SMYD3: variants seen among roughly 807,000 people sequenced by gnomAD.
SMYD3 encodes histone-lysine N-methyltransferase SMYD3.
SMYD3 carries 36 observed loss-of-function variants against 57.7 expected under a neutral mutation model. The ratio of observed to expected loss-of-function variants is 0.62; its 90% CI spans 0.48 to 0.82. SMYD3 has a LOEUF of 0.82. Ranked by LOEUF, SMYD3 falls within the 40% of genes least tolerant of loss-of-function variation. The probability of loss-of-function intolerance (pLI) is 0.00; values close to 1 mark genes in which losing one functional copy is unlikely to be tolerated. For synonymous variants in SMYD3, 211 were observed against 195.0 expected (o/e 1.08, Z -0.68); for missense variants, 515 against 538.8 (o/e 0.96, Z 0.44).
intron 9 of SMYD3, among the ~76,000 whole-genome samples, chr1:245,859,923 A>C (rs916002233): frequency 6.6e-6 from 1 of 152,168 alleles, no homozygotes; most frequent in African/African-American, 2.4e-5. Context: ...CGTCAACGTA[A>C]GAATGAGTAA....
At chr1:246,408,268 G>A (rs1268304241) in intron 1 of SMYD3, among the ~76,000 whole-genome samples, 3 of 151,836 alleles carry the variant, frequency 2.0e-5, no homozygotes, top group Non-Finnish European at 2.9e-5. Flanking sequence ...TTTTCATTGG[G>A]TCATTATATT....
chr1:246,391,565 A>G lies in SMYD3; in HGVS notation c.165-36471T>C, dbSNP rs369320720. On this transcript the variant is annotated intron_variant, in intron 1 of 11. Coordinates refer to ENST00000490107, the MANE Select transcript of SMYD3 (RefSeq NM_001167740.2). ...CTATAGGAGATATATACTAGATTCA[A>G]AGATACAAACAAGTTCAAAAGAAAA... Among the ~76,000 whole-genome samples, 19 of 152,260 alleles carry G rather than the reference A, an allele frequency of 1.2e-4. No homozygotes were observed. In the East Asian group the frequency reaches 3.7e-3, roughly 29 times the overall value.
chr1:245,872,442 C>T (rs1184186635), intron 8 of SMYD3, among the ~76,000 whole-genome samples: 6 of 99,374 alleles, frequency 6.0e-5, no homozygotes, highest in Non-Finnish European at 7.5e-5. Context: ...GCCGCCTTCT[C>T]CTTCACCGGC....
intron 5 of SMYD3, among the ~76,000 whole-genome samples, chr1:246,038,638 CA>C (rs1276279855): frequency 3.3e-5 from 5 of 152,154 alleles, no homozygotes; most frequent in African/African-American, 1.2e-4. Context: ...AAAAATTTCA[CA>C]AATCACCCAT....
intron 5 of SMYD3, among the ~76,000 whole-genome samples, chr1:246,137,515 G>A (rs1000002248): frequency 2.6e-5 from 4 of 152,162 alleles, no homozygotes; most frequent in Non-Finnish European, 5.9e-5. Context: ...CAATTTTCAA[G>A]GTTCATTAAG....
intron 1 of SMYD3, among the ~76,000 whole-genome samples, chr1:246,427,871 A>C (rs1329327288): frequency 6.6e-6 from 1 of 152,180 alleles, no homozygotes; most frequent in Non-Finnish European, 1.5e-5. Context: ...AAAAAAAGTA[A>C]AGCAGAAGAA....
chr1:245,924,842 T>G (rs1195050016), intron 7 of SMYD3, among the ~76,000 whole-genome samples: 1 of 151,984 alleles, frequency 6.6e-6, no homozygotes, highest in Middle Eastern at 3.2e-3. Context: ...TTTTGTATTT[T>G]TAGTAGAGAC....
At chr1:246,321,581 T>G (rs531217258) in intron 5 of SMYD3, 1 of 152,278 alleles carries the variant, frequency 6.6e-6, no homozygotes, top group South Asian at 2.1e-4. Context: ...TTCTCTGCAG[T>G]CTCAAACTCC....
chr1:246,322,094 G>A (rs767958430), intron 5 of SMYD3, among the ~76,000 whole-genome samples: 2 of 152,096 alleles, frequency 1.3e-5, no homozygotes, highest in Non-Finnish European at 2.9e-5. Context: ...TGCTGGGTGG[G>A]GTGGCTCACA....
chr1:246,414,867 C>G (rs1415351810), intron 1 of SMYD3, among the ~76,000 whole-genome samples: 20 of 151,978 alleles, frequency 1.3e-4, no homozygotes. Flanking sequence ...CAGGCACACA[C>G]CACCAGGCCC....
chr1:245,996,282 G>A (rs10924437), intron 5 of SMYD3, among the ~76,000 whole-genome samples: 20,003 of 152,182 alleles, frequency 0.13, 1,690 homozygotes, highest in East Asian at 0.21. Flanking sequence ...GTTGGCTGAT[G>A]GGTGACAAAT....
chr1:246,012,380 G>A (rs1056068458), intron 5 of SMYD3, among the ~76,000 whole-genome samples: 5 of 152,162 alleles, frequency 3.3e-5, no homozygotes, highest in Non-Finnish European at 5.9e-5. Context: ...GAGGAGAGAG[G>A]AGAAATCTAC....
Position 246,187,892 on chromosome 1 carries a change from C to T in SMYD3, c.531+139309G>A, listed in dbSNP as rs980012241. ...TTGACGGAAATATTACAAGAAGTCC[C>T]CCTAAGAACAGTTCTCTTCATTGTC... On this transcript the variant is annotated intron_variant, in intron 5 of 11. Coordinates refer to ENST00000490107, the MANE Select transcript of SMYD3 (RefSeq NM_001167740.2). Among the ~76,000 whole-genome samples the T allele has an allele frequency of 2.6e-5, 4 of 151,870 alleles. No homozygotes were observed. In the South Asian group the frequency reaches 8.4e-4, roughly 32 times the overall value.
intron 1 of SMYD3, among the ~76,000 whole-genome samples, chr1:246,392,986 C>T (rs1025309013): frequency 1.3e-5 from 2 of 151,980 alleles, no homozygotes; most frequent in African/African-American, 4.8e-5. Flanking sequence ...ACAGAGAATA[C>T]AGGTGTTGAC....
intron 5 of SMYD3, among the ~76,000 whole-genome samples, chr1:245,950,757 T>A (rs1173897029): frequency 2.0e-5 from 3 of 152,258 alleles, no homozygotes; most frequent in Non-Finnish European, 4.4e-5. Flanking sequence ...TTTGTGCACA[T>A]ATGTTCCCAG....
chr1:246,218,616 G>A (rs1481390036), intron 5 of SMYD3, among the ~76,000 whole-genome samples: 9 of 144,026 alleles, frequency 6.2e-5, no homozygotes, highest in East Asian at 2.2e-4. Flanking sequence ...GCGAGACTCC[G>A]TCTCAAAAAA....
At chr1:246,028,098 T>C (rs2059607828) in intron 5 of SMYD3, among the ~76,000 whole-genome samples, 1 of 152,126 alleles carries the variant, frequency 6.6e-6, no homozygotes. Flanking sequence ...TTAGAGACTG[T>C]TACGAACAAC....
intron 11 of SMYD3, among the ~76,000 whole-genome samples, chr1:245,751,538 G>A (rs12751557): frequency 1.4e-5 from 2 of 144,446 alleles, no homozygotes; most frequent in Non-Finnish European, 3.0e-5. Flanking sequence ...GAGAAAGAGA[G>A]AGAAAGAGAG....
At chr1:246,407,338 A>T (rs2066883104) in intron 1 of SMYD3, among the ~76,000 whole-genome samples, 1 of 152,234 alleles carries the variant, frequency 6.6e-6, no homozygotes, top group Non-Finnish European at 1.5e-5. Flanking sequence ...CCTTAGCAGG[A>T]GTTGTTCATC....
Sources: gnomAD v4.1 joint callset for allele counts (sites outside exome capture counted in the v4.1 genomes callset) on GRCh38, gnomAD v4.1.1 for gene constraint, MANE v1.5 for transcripts, NCBI Gene and HGNC (gene_info 2026-07-23, HGNC 2026-07-21) for gene names.